RHOU: variants seen among roughly 807,000 people sequenced by gnomAD.
RHOU encodes ras homolog family member U.
A neutral mutation model predicts 12.6 loss-of-function variants in RHOU; 8 were observed. The observed-to-expected ratio is 0.64, with a 90% CI of 0.37 to 1.15. The LOEUF (loss-of-function observed/expected upper bound fraction) is 1.15. Among genes scored for constraint, RHOU ranks in the 50% most tolerant of loss-of-function variants. The pLI, the probability that RHOU is intolerant of heterozygous loss-of-function variation, is 0.01. For missense variants in RHOU, 258 were observed against 347.0 expected (o/e 0.74, Z 2.04); for synonymous variants, 161 against 147.4 (o/e 1.09, Z -0.67).
chr1:228,697,473 G>A, the RHOU span, among the ~76,000 whole-genome samples: 1 of 152,180 alleles, frequency 6.6e-6, no homozygotes, highest in Admixed American at 6.5e-5. Context: ...GACCAATAGT[G>A]TTGGGCAACA....
chr1:228,678,178 T>G, the RHOU span, among the ~76,000 whole-genome samples: 104 of 152,256 alleles, frequency 6.8e-4, 1 homozygote, highest in Middle Eastern at 3.4e-3. Flanking sequence ...TAAGGATAGA[T>G]TTCCATGATG....
the RHOU span, among the ~76,000 whole-genome samples, chr1:228,646,986 G>C: frequency 2.0e-5 from 3 of 151,658 alleles, no homozygotes; most frequent in African/African-American, 7.3e-5. Context: ...GAGGTACAGA[G>C]GGAAGGCTAG....
At chr1:228,717,353 C>A in the RHOU span, among the ~76,000 whole-genome samples, 1 of 152,318 alleles carries the variant, frequency 6.6e-6, no homozygotes, top group Non-Finnish European at 1.5e-5. Flanking sequence ...TCTTATAACA[C>A]AAACTATTCA....
the RHOU span, among the ~76,000 whole-genome samples, chr1:228,654,076 T>A: frequency 6.6e-6 from 1 of 152,080 alleles, no homozygotes. Context: ...TACCAAGAAT[T>A]GCTGTGTTCC....
chr1:228,708,896 G>T, the RHOU span, among the ~76,000 whole-genome samples: 1 of 152,220 alleles, frequency 6.6e-6, no homozygotes, highest in Admixed American at 6.5e-5. Flanking sequence ...CCATCAGTGT[G>T]CTGTATTCAG....
rs1159725820 is a variant in RHOU at position 228,737,809 on chromosome 1, A to T, written c.321+78A>T. On this transcript the variant is annotated intron_variant, in intron 2 of 2. Coordinates refer to ENST00000366691, the MANE Select transcript of RHOU (RefSeq NM_021205.6). This position sits in a 1 kb window ranked among gnomAD's most constrained non-coding sequence, Gnocchi z 4.1. ...TTTCCAAATAACCTTTGATTCCCTCAGTCAGTAACTGGGTCATTCTAAAGC... is the reference window on the plus strand; with the variant it reads ...TTTCCAAATAACCTTTGATTCCCTCTGTCAGTAACTGGGTCATTCTAAAGC... 1 of 1,454,840 alleles carries T rather than the reference A, an allele frequency of 6.9e-7. No homozygotes were observed. The highest frequency in any genetic ancestry group is 9.6e-7 in the Non-Finnish European group (1 of 1,038,394). 90.1% of individuals were successfully genotyped at this position (1,454,840 alleles called of 1,614,324 possible).
At chr1:228,735,376 G>C (rs904332964), upstream of RHOU, 1 of 155,998 alleles carries the variant, frequency 6.4e-6, no homozygotes, top group East Asian at 1.9e-4. This position sits in a 1 kb window ranked among gnomAD's most constrained non-coding sequence, Gnocchi z 8.1. Flanking sequence ...GTCTTGGCGC[G>C]GGGACCGAGC....
chr1:228,716,961 T>G, the RHOU span, among the ~76,000 whole-genome samples: 1 of 151,902 alleles, frequency 6.6e-6, no homozygotes, highest in Non-Finnish European at 1.5e-5. Flanking sequence ...ACAAAGAGAG[T>G]TCATTTTTAT....
the RHOU span, among the ~76,000 whole-genome samples, chr1:228,702,983 T>C: frequency 6.6e-6 from 1 of 152,176 alleles, no homozygotes; most frequent in African/African-American, 2.4e-5. Context: ...TGAAACAAGG[T>C]AGAAAATTCT....
At chr1:228,684,573 C>T in the RHOU span, among the ~76,000 whole-genome samples, 3 of 152,174 alleles carry the variant, frequency 2.0e-5, no homozygotes, top group Non-Finnish European at 4.4e-5. Flanking sequence ...AAGTGATCCA[C>T]GTGTCTCGGC....
chr1:228,721,672 T>C, the RHOU span, among the ~76,000 whole-genome samples: 5 of 152,246 alleles, frequency 3.3e-5, no homozygotes, highest in African/African-American at 1.2e-4. Flanking sequence ...TGTTTTGTTT[T>C]GTCTTGAGAC....
the RHOU span, among the ~76,000 whole-genome samples, chr1:228,719,482 C>T: frequency 2.0e-5 from 3 of 152,210 alleles, no homozygotes; most frequent in Non-Finnish European, 4.4e-5. Flanking sequence ...GTAGTCCCCG[C>T]ACTTTGGAAA....
At chr1:228,727,099 G>A in the RHOU span, among the ~76,000 whole-genome samples, 1 of 152,158 alleles carries the variant, frequency 6.6e-6, no homozygotes, top group African/African-American at 2.4e-5. Context: ...AAGCATGTCT[G>A]TGTTGATCAC....
the RHOU span, among the ~76,000 whole-genome samples, chr1:228,678,689 T>G: frequency 6.6e-6 from 1 of 152,124 alleles, no homozygotes; most frequent in East Asian, 1.9e-4. Flanking sequence ...ACGTAGTCCT[T>G]TTGCAAGAGT....
chr1:228,719,967 TA>T, the RHOU span, among the ~76,000 whole-genome samples: 2 of 152,168 alleles, frequency 1.3e-5, no homozygotes, highest in African/African-American at 4.8e-5. Flanking sequence ...CCGTATCTTT[TA>T]AAAAAGTTAG....
chr1:228,652,169 C>CA, the RHOU span, among the ~76,000 whole-genome samples: 2 of 152,208 alleles, frequency 1.3e-5, no homozygotes, highest in Non-Finnish European at 2.9e-5. Flanking sequence ...ATCATACCAT[C>CA]AAGGTGGCGG....
chr1:228,692,506 C>T, the RHOU span, among the ~76,000 whole-genome samples: 1 of 152,142 alleles, frequency 6.6e-6, no homozygotes, highest in Non-Finnish European at 1.5e-5. Context: ...TACTTGGCCA[C>T]AGAGATTAGA....
At chr1:228,663,979 TCCCTC>T in the RHOU span, among the ~76,000 whole-genome samples, 20 of 15,520 alleles carry the variant, frequency 1.3e-3, no homozygotes, top group Non-Finnish European at 2.1e-3. Context: ...CCCCTCCCCT[TCCCTC>T]CCCTCCCCTC....
chr1:228,707,632 G>T, the RHOU span, among the ~76,000 whole-genome samples: 1 of 151,966 alleles, frequency 6.6e-6, no homozygotes. Flanking sequence ...AAACAGAAAG[G>T]ACATCCACAC....
Sources: gnomAD v4.1 joint callset for allele counts (sites outside exome capture counted in the v4.1 genomes callset) on GRCh38, gnomAD v4.1.1 for gene constraint, Gnocchi (gnomAD v3.1) non-coding constraint, MANE v1.5 for transcripts, NCBI Gene and HGNC (gene_info 2026-07-23, HGNC 2026-07-21) for gene names.